Variants in COL11A1 observed in about 807,000 individuals in gnomAD.
COL11A1 encodes the protein collagen type XI alpha 1 chain, also known as collagen alpha-1(XI) chain.
In COL11A1, 74 loss-of-function variants were observed where a neutral mutation model predicts 265.2. The ratio of observed to expected loss-of-function variants is 0.28; its 90% CI spans 0.23 to 0.34. COL11A1 has a LOEUF of 0.34. COL11A1 is among the 10% of genes least tolerant of loss of function. COL11A1 has a pLI of 1.00. For synonymous variants in COL11A1, 816 were observed against 727.6 expected (o/e 1.12, Z -1.96); for missense variants, 2,165 against 2,263.6 (o/e 0.96, Z 0.88).
Position 102,920,352 on chromosome 1 carries a change from G to A in COL11A1, c.3721C>T (p.Pro1241Ser). The A allele has an allele frequency of 1.2e-6, 2 of 1,613,088 alleles. No homozygotes were observed. Among genetic ancestry groups the A allele is most frequent in the Non-Finnish European group, 8.5e-7 (1 of 1,179,258 alleles). Residue 1241 changes from proline to serine, a missense_variant, in exon 49 of 67, where the codon CCC becomes TCC. Transcript: ENST00000370096. ...GPNGADGPQG[P>S]PGSVGSVGGV... ...CCAACTGAACCAACAGACCCTGGGGGTCCTTGTGGTCCCTGCAGTGTAGAA... is the reference window on the plus strand; with the variant it reads ...CCAACTGAACCAACAGACCCTGGGGATCCTTGTGGTCCCTGCAGTGTAGAA...
At chr1:103,046,193 C>T (rs1393621946) in intron 4 of COL11A1, among the ~76,000 whole-genome samples, 1 of 148,492 alleles carries the variant, frequency 6.7e-6, no homozygotes, top group Non-Finnish European at 1.5e-5. Flanking sequence ...GGAACTGCCA[C>T]ACTGACTTCC....
chr1:103,053,749 T>A (rs919218368), intron 4 of COL11A1, among the ~76,000 whole-genome samples: 3 of 151,938 alleles, frequency 2.0e-5, no homozygotes, highest in African/African-American at 7.3e-5. Flanking sequence ...AAGAGAAAAA[T>A]TTTTATGTGG....
At position 102,886,831 on chromosome 1, in the gene COL11A1, G is replaced by A; in HGVS notation, c.4834C>T (p.Leu1612Phe). 3 of 1,613,910 alleles carry A rather than the reference G, an allele frequency of 1.9e-6. No homozygotes were observed. The highest frequency in any genetic ancestry group is 4.5e-5 in the East Asian group (2 of 44,870). The change falls in exon 63 of 67, where the codon CTC becomes TTC. Residue 1612 changes from leucine to phenylalanine, a missense_variant. Leu to Phe is a conservative substitution (Grantham distance 22, BLOSUM62 0). Coordinates refer to ENST00000370096, the MANE Select transcript of COL11A1 (RefSeq NM_001854.4). ...CCATCTGGGAAGTCAGGATGGCTGA[G>A]TTGCAGGTCTTTACAAGTTCGGGCT... ...NPARTCKDLQLSHPDFPDGEY... is the reference protein window; with the variant it reads ...NPARTCKDLQFSHPDFPDGEY...
intron 63 of COL11A1, among the ~76,000 whole-genome samples, chr1:102,885,485 C>T (rs1650851032): frequency 6.6e-6 from 1 of 152,068 alleles, no homozygotes; most frequent in Non-Finnish European, 1.5e-5. Flanking sequence ...CCTGCTTTAT[C>T]TTCTGCTACT....
chr1:103,078,655 T>C lies in COL11A1; in HGVS notation c.488+3A>G. 8 of 1,612,496 alleles carry C rather than the reference T, an allele frequency of 5.0e-6. No homozygotes were observed. The highest frequency in any genetic ancestry group is 5.9e-6 in the Non-Finnish European group (7 of 1,178,772). ...TAAAACATTGTATTATTTTGTTACT[T>C]ACTTCCCGTCAGCGATGTTAACAGT... On this transcript the variant is annotated splice_donor_region_variant and intron_variant, in intron 3 of 66. Transcript: ENST00000370096.
chr1:103,000,971 C>G (rs964863692), intron 24 of COL11A1: 1 of 388,900 alleles, frequency 2.6e-6, no homozygotes, highest in Admixed American at 4.5e-5. Flanking sequence ...ATGGATGAAC[C>G]TAAAATGAAA....
intron 24 of COL11A1, among the ~76,000 whole-genome samples, chr1:103,000,575 G>C (rs1009762396): frequency 6.6e-6 from 1 of 151,770 alleles, no homozygotes; most frequent in Non-Finnish European, 1.5e-5. Flanking sequence ...TCACACCAAC[G>C]AGAATGATCG....
chr1:103,076,091 AT>A (rs1671952268), intron 3 of COL11A1, among the ~76,000 whole-genome samples: 1 of 152,138 alleles, frequency 6.6e-6, no homozygotes, highest in Non-Finnish European at 1.5e-5. Flanking sequence ...TTTTTGTTTA[AT>A]TAATGTAGGC....
intron 15 of COL11A1, among the ~76,000 whole-genome samples, chr1:103,006,554 T>TTTTG (rs1326472060): frequency 7.5e-6 from 1 of 132,946 alleles, no homozygotes; most frequent in African/African-American, 2.9e-5. Flanking sequence ...TTTTTTTTTT[T>TTTTG]TGAGACGGAG....
intron 1 of COL11A1, among the ~76,000 whole-genome samples, chr1:103,095,936 G>A (rs1417097976): frequency 1.3e-5 from 2 of 152,034 alleles, no homozygotes; most frequent in Admixed American, 1.3e-4. Flanking sequence ...GACAAAACAA[G>A]AGTGAAAGAG....
intron 4 of COL11A1, among the ~76,000 whole-genome samples, chr1:103,066,487 A>T (rs1671157545): frequency 1.3e-5 from 2 of 151,610 alleles, no homozygotes; most frequent in Non-Finnish European, 1.5e-5. Context: ...TTAAATAAAA[A>T]AATAGCAAAA....
chr1:103,023,624 T>G (rs1313627015), intron 7 of COL11A1, among the ~76,000 whole-genome samples: 1 of 152,178 alleles, frequency 6.6e-6, no homozygotes, highest in African/African-American at 2.4e-5. Flanking sequence ...CCCAAAGTGT[T>G]GGGATTACAT....
intron 4 of COL11A1, among the ~76,000 whole-genome samples, chr1:103,057,947 C>T (rs1670368794): frequency 6.6e-6 from 1 of 152,112 alleles, no homozygotes; most frequent in African/African-American, 2.4e-5. Context: ...TGCATTATCC[C>T]CTAACAAGAG....
intron 1 of COL11A1, among the ~76,000 whole-genome samples, chr1:103,105,535 A>G (rs1044427770): frequency 2.0e-5 from 3 of 152,192 alleles, no homozygotes; most frequent in Non-Finnish European, 2.9e-5. Flanking sequence ...TTGAACTCAG[A>G]TGTTTTAAGG....
At chr1:103,002,986 T>G (rs939485966) in intron 21 of COL11A1, among the ~76,000 whole-genome samples, 195 bp from the exon 22 acceptor site, 1 of 152,108 alleles carries the variant, frequency 6.6e-6, no homozygotes, top group Non-Finnish European at 1.5e-5. Context: ...TCTAGCAACA[T>G]TTTCCTCTGC....
At chr1:103,002,632 T>C (rs1015745120) in intron 22 of COL11A1, 115 bp downstream of exon 22, 3 of 1,127,830 alleles carry the variant, frequency 2.7e-6, no homozygotes, top group African/African-American at 3.1e-5. Context: ...GCAAGCTGTA[T>C]CTAATATACT....
intron 57 of COL11A1, among the ~76,000 whole-genome samples, chr1:102,893,835 A>T (rs1652060274): frequency 6.6e-6 from 1 of 152,150 alleles, no homozygotes; most frequent in African/African-American, 2.4e-5. Flanking sequence ...CTTTTTAATC[A>T]TTGTGGAATG....
chr1:103,085,915 T>C (rs998248216), intron 1 of COL11A1, among the ~76,000 whole-genome samples: 10 of 152,114 alleles, frequency 6.6e-5, no homozygotes, highest in African/African-American at 2.4e-4. Context: ...CCATATGTTC[T>C]TATCCGTCCT....
intron 4 of COL11A1, among the ~76,000 whole-genome samples, chr1:103,033,042 T>G (rs890171627): frequency 7.9e-5 from 12 of 152,108 alleles, no homozygotes; most frequent in African/African-American, 2.4e-4. Context: ...CCTTCCCTTT[T>G]CCTGGCCCCT....
Sources: allele counts gnomAD v4.1 joint callset (sites outside exome capture counted in the v4.1 genomes callset), GRCh38; gene constraint gnomAD v4.1.1; transcripts MANE v1.5; gene names NCBI Gene and HGNC (gene_info 2026-07-23, HGNC 2026-07-21).